Variants in ZNF614 observed in about 807,000 individuals in gnomAD.
ZNF614 encodes the protein zinc finger protein 614.
Under a neutral mutation model 12.8 loss-of-function variants are expected in ZNF614, and 11 were observed. The ratio of observed to expected loss-of-function variants is 0.86; its 90% CI spans 0.54 to 1.43. The LOEUF is 1.43. ZNF614 is among the 40% of genes most tolerant of loss of function. The probability of loss-of-function intolerance (pLI) is 0.00; values close to 1 mark genes in which losing one functional copy is unlikely to be tolerated. For synonymous variants in ZNF614, 237 were observed against 237.5 expected (o/e 1.00, Z 0.02); for missense variants, 664 against 708.8 (o/e 0.94, Z 0.72).
Position 52,025,779 on chromosome 19 carries a change from G to A in ZNF614, c.-34C>T. ...GTGCTCAGAAAATAGTGGATAACAT[G>A]GACTATACGTCTTTGTCTCTTCTGC... On this transcript the variant is annotated 5_prime_UTR_variant, in exon 2 of 5. Transcript: ENST00000270649. 6.2e-7 allele frequency: 1 copy of A among 1,610,784 alleles called. No homozygotes were observed. The highest frequency in any genetic ancestry group is 8.5e-7 in the Non-Finnish European group (1 of 1,177,776).
rs900839829 is a variant in ZNF614 at position 52,014,979 on chromosome 19, A to G, written c.*861T>C. ...TGCCAGGAACCAGGAACAAAGACCA[A>G]ATGTATTTCTCATTATACCACAATT... is the stretch of plus-strand genomic sequence containing the variant. On this transcript the variant is annotated 3_prime_UTR_variant, in exon 5 of 5. Transcript: ENST00000270649. 1 of 152,218 alleles carries G rather than the reference A, an allele frequency of 6.6e-6. No homozygotes were observed. Among genetic ancestry groups the G allele is most frequent in the Admixed American group, 6.5e-5 (1 of 15,282 alleles). 9.4% of individuals were successfully genotyped at this position (152,218 alleles called of 1,614,324 possible).
Position 52,013,477 on chromosome 19 carries a change from AAAT to A in ZNF614, c.*2360_*2362del, listed in dbSNP as rs1336384176. On this transcript the variant is annotated 3_prime_UTR_variant, in exon 5 of 5. Transcript: ENST00000270649. ...TGGTTAGATACATGGTGGTAAAAAAAAATAATAAAACAACTATTCATCAACTCA... is the reference window on the plus strand; with the variant it reads ...TGGTTAGATACATGGTGGTAAAAAAAAATAAAACAACTATTCATCAACTCA... 6.4e-6 allele frequency: 1 copy of A among 155,650 alleles called. No individual in the cohort carries two copies. Among genetic ancestry groups the A allele is most frequent in the African/African-American group, 2.4e-5 (1 of 41,476 alleles). The allele number at this position is 155,650 out of a possible 1,614,324, so 9.6% of individuals were successfully genotyped here. A position where few individuals can be genotyped will look rare whatever the true frequency, so the allele number is the denominator to read the frequency against.
chr19:52,026,679 TTGAGA>T (rs1568516260), intron 1 of ZNF614, among the ~76,000 whole-genome samples: 1 of 152,018 alleles, frequency 6.6e-6, no homozygotes, highest in Non-Finnish European at 1.5e-5. Context: ...CTCTTTGCGG[TTGAGA>T]TAAGAGAAAG....
chr19:52,019,149 A>G lies in ZNF614; in HGVS notation c.16-655T>C, dbSNP rs111984673. ...ATTACAGGTGTGTGCCACTGCGCCC[A>G]GCAAAAAAAAACTTCTAACAGAAAA... On this transcript the variant is annotated intron_variant, in intron 2 of 4. Coordinates refer to ENST00000270649, the MANE Select transcript of ZNF614 (RefSeq NM_025040.4). Among the ~76,000 whole-genome samples the G allele has an allele frequency of 4.1e-4, 62 of 152,268 alleles. 2 individuals are homozygous for G. Among genetic ancestry groups the G allele is most frequent in the African/African-American group, 1.4e-3 (59 of 41,550 alleles).
intron 2 of ZNF614, among the ~76,000 whole-genome samples, chr19:52,021,845 A>C (rs1301332472): frequency 2.0e-5 from 3 of 152,242 alleles, no homozygotes; most frequent in African/African-American, 7.2e-5. Flanking sequence ...CTAAAAGAGA[A>C]GTAAGACTCT....
rs2086895726 is a variant in ZNF614, at chr19:52,016,212, T to C, written c.1386A>G (p.Lys462=). The change falls in exon 5 of 5, where the codon AAA becomes AAG. Residue 462 remains lysine (K), a synonymous_variant. Coordinates refer to ENST00000270649, the MANE Select transcript of ZNF614 (RefSeq NM_025040.4). Reference sequence around the variant, plus strand: ...TGAGGCATATTTTCTGGCTGAAGGCTTTACCACATTCATTGCATTCATAGG... The same window carrying C: ...TGAGGCATATTTTCTGGCTGAAGGCCTTACCACATTCATTGCATTCATAGG... The part of the protein sequence containing the change: ...EKPYECNECG[K]AFSQKICLIQ... 2 of 1,614,100 alleles carry C rather than the reference T, an allele frequency of 1.2e-6. No homozygotes were observed. The highest frequency in any genetic ancestry group is 1.1e-5 in the South Asian group (1 of 91,092).
At chr19:52,017,985 T>C (rs778707603) in intron 4 of ZNF614, 23 bp downstream of exon 4, 1 of 1,587,860 alleles carries the variant, frequency 6.3e-7, no homozygotes, top group African/African-American at 1.4e-5. Context: ...CTATAGCCAC[T>C]GTCCTTGCTG....
rs7508453 is a variant in ZNF614, at chr19:52,022,865, C to A, written c.15+2866G>T. ...TGTGCCAAGCTTCCATTCCTCTCTG[C>A]GTGTGGCATCCTCCCAGCACCCTGG... On this transcript the variant is annotated intron_variant, in intron 2 of 4. Transcript: ENST00000270649. 2.2e-3 allele frequency among the ~76,000 whole-genome samples: 340 copies of A among 151,686 alleles called. 1 individual carries two copies. The highest frequency in any genetic ancestry group is 7.8e-3 in the African/African-American group (324 of 41,402).
chr19:52,024,054 T>G (rs2086952801), intron 2 of ZNF614, among the ~76,000 whole-genome samples: 1 of 152,210 alleles, frequency 6.6e-6, no homozygotes, highest in Non-Finnish European at 1.5e-5. Context: ...TCCAGGCTGC[T>G]GAACATAGGG....
At position 52,016,353 on chromosome 19, in the gene ZNF614, A is replaced by G. The variant is rs1485324783; in HGVS notation, c.1245T>C (p.Val415=). 1.2e-6 allele frequency: 2 copies of G among 1,610,696 alleles called. No individual in the cohort carries two copies. Among genetic ancestry groups the G allele is most frequent in the Admixed American group, 1.7e-5 (1 of 59,850 alleles). ...GKGFTVKRTL[V]IHQRTHTGEK... is the part of the protein sequence containing the mutation. ...CTCCTGTATGAGTTCGCTGATGTAT[A>G]ACGAGAGTGCGTTTGACAGTGAAGC... Residue 415 remains valine (V), a synonymous_variant, in exon 5 of 5, where the codon GTT becomes GTC. Transcript: ENST00000270649.
Position 52,022,373 on chromosome 19 carries a change from C to T in ZNF614, c.15+3358G>A, listed in dbSNP as rs1002025728. Among the ~76,000 whole-genome samples, 9 of 151,778 alleles carry T rather than the reference C, an allele frequency of 5.9e-5. No homozygotes were observed. The East Asian group carries it at 1.4e-3, about 23-fold the overall frequency. ...CTGGGAAGTGAGGAGCACCTCTGCC[C>T]GGCCGCCCCACACCACCGCCGCCAT... On this transcript the variant is annotated intron_variant, in intron 2 of 4. Coordinates refer to ENST00000270649, the MANE Select transcript of ZNF614 (RefSeq NM_025040.4).
chr19:52,025,677 C>T, intron 2 of ZNF614, 54 bp downstream of exon 2: 1 of 1,601,378 alleles, frequency 6.2e-7, no homozygotes. Flanking sequence ...TTAAGTTCAA[C>T]TGACTTCTTC....
At chr19:52,022,628 G>A (rs906020959) in intron 2 of ZNF614, among the ~76,000 whole-genome samples, 6 of 150,466 alleles carry the variant, frequency 4.0e-5, no homozygotes, top group Non-Finnish European at 7.4e-5. Context: ...CTCCTCTTAA[G>A]ATGCCAGTCA....
rs2086887489 is a variant in ZNF614 at position 52,014,940 on chromosome 19, T to G, written c.*900A>C. On this transcript the variant is annotated 3_prime_UTR_variant, in exon 5 of 5. Coordinates refer to ENST00000270649, the MANE Select transcript of ZNF614 (RefSeq NM_025040.4). ...CTTATCACTCATGAAATTCTAAGCG[T>G]TTTAGGAGCTCTATGCCAGGAACCA... The G allele has an allele frequency of 6.6e-6, 1 of 152,024 alleles. No individual in the cohort carries two copies. The highest frequency in any genetic ancestry group is 2.4e-5 in the African/African-American group (1 of 41,386). 9.4% of individuals were successfully genotyped at this position (152,024 alleles called of 1,614,324 possible). A position where few individuals can be genotyped will look rare whatever the true frequency, so the allele number is the denominator to read the frequency against.
chr19:52,020,875 C>T (rs1433012754), intron 2 of ZNF614, among the ~76,000 whole-genome samples: 1 of 152,136 alleles, frequency 6.6e-6, no homozygotes, highest in African/African-American at 2.4e-5. Flanking sequence ...CTCCCAGGAA[C>T]GAAAACAAAG....
At position 52,025,691 on chromosome 19, in the gene ZNF614, C is replaced by T. The variant is rs7343140; in HGVS notation, c.15+40G>A. 0.028 allele frequency: 44,495 copies of T among 1,610,210 alleles called. 954 individuals carry two copies. Among genetic ancestry groups the T allele is most frequent in the African/African-American group, 0.096 (7,206 of 74,764 alleles). On this transcript the variant is annotated intron_variant, in intron 2 of 4. Coordinates refer to ENST00000270649, the MANE Select transcript of ZNF614 (RefSeq NM_025040.4). ...CTTAAGTTCAACTGACTTCTTCAGGCCACCATAAATCTATCAAAAAATCAA... is the reference window on the plus strand; with the variant it reads ...CTTAAGTTCAACTGACTTCTTCAGGTCACCATAAATCTATCAAAAAATCAA...
intron 2 of ZNF614, among the ~76,000 whole-genome samples, chr19:52,023,162 TAATA>T (rs1034453264): frequency 7.0e-6 from 1 of 142,032 alleles, no homozygotes; most frequent in African/African-American, 2.6e-5. Context: ...ACAATAATAA[TAATA>T]AATAAAATTT....
intron 1 of ZNF614, among the ~76,000 whole-genome samples, chr19:52,027,259 G>C (rs954773848): frequency 2.0e-5 from 3 of 152,240 alleles, no homozygotes; most frequent in Non-Finnish European, 4.4e-5. Context: ...CCATGTACTG[G>C]TTCGAAAGTC....
At position 52,016,333 on chromosome 19, in the gene ZNF614, G is replaced by C. The variant is rs752020813; in HGVS notation, c.1265C>G (p.Thr422Arg). ...RTLVIHQRTH[T>R]GEKSYICNEC... ...ATTGCATATGTAAGATTTCTCTCCTGTATGAGTTCGCTGATGTATAACGAG... is the reference window on the plus strand; with the variant it reads ...ATTGCATATGTAAGATTTCTCTCCTCTATGAGTTCGCTGATGTATAACGAG... Residue 422 changes from threonine to arginine, a missense_variant, in exon 5 of 5, where the codon ACA (threonine) becomes AGA (arginine). Physicochemically the swap from Thr to Arg is moderately conservative, Grantham distance 71 (BLOSUM62 -1). Transcript: ENST00000270649. 4 of 1,610,472 alleles carry C rather than the reference G, an allele frequency of 2.5e-6. No homozygotes were observed. The highest frequency in any genetic ancestry group is 3.4e-6 in the Non-Finnish European group (4 of 1,177,436).
Sources: allele counts gnomAD v4.1 joint callset (sites outside exome capture counted in the v4.1 genomes callset), GRCh38; gene constraint gnomAD v4.1.1; transcripts MANE v1.5; gene names NCBI Gene and HGNC (gene_info 2026-07-23, HGNC 2026-07-21).